ECE1: variants seen among roughly 807,000 people sequenced by gnomAD.
ECE1 encodes endothelin-converting enzyme 1.
ECE1 carries 35 observed loss-of-function variants against 98.6 expected under a neutral mutation model. That is an observed-to-expected ratio of 0.35 (90% CI 0.27 to 0.47). ECE1 has a LOEUF of 0.47. Among genes scored for constraint, ECE1 ranks in the 20% least tolerant of loss-of-function variants. ECE1 has a pLI of 1.00. For missense variants in ECE1, 814 were observed against 1,025.3 expected (o/e 0.79, Z 2.81); for synonymous variants, 394 against 407.1 (o/e 0.97, Z 0.39).
At chr1:21,246,847 C>T (rs1363601049) in intron 9 of ECE1, among the ~76,000 whole-genome samples, 1 of 152,158 alleles carries the variant, frequency 6.6e-6, no homozygotes, top group Non-Finnish European at 1.5e-5. Context: ...TTTGTAGAGA[C>T]ACCGTCTCGC....
At chr1:21,240,893 C>T (rs897227676) in intron 10 of ECE1, among the ~76,000 whole-genome samples, 2 of 152,368 alleles carry the variant, frequency 1.3e-5, no homozygotes, top group Middle Eastern at 3.4e-3. Flanking sequence ...CCCATTCCTT[C>T]ACACGAGCTT....
At chr1:21,301,584 G>A (rs1162841225) in intron 1 of ECE1, among the ~76,000 whole-genome samples, 1 of 152,114 alleles carries the variant, frequency 6.6e-6, no homozygotes, top group Non-Finnish European at 1.5e-5. Context: ...GGGAGGCTGA[G>A]GTGGGAGGAT....
chr1:21,311,553 G>A (rs1159089586), intron 1 of ECE1, among the ~76,000 whole-genome samples: 1 of 149,042 alleles, frequency 6.7e-6, no homozygotes, highest in Non-Finnish European at 1.5e-5. Flanking sequence ...AGTGCCTCAT[G>A]CCTGCAATCC....
rs553092547 is a variant in ECE1, at chr1:21,222,434, T to C, written c.2041-592A>G. 1.2e-3 allele frequency among the ~76,000 whole-genome samples: 189 copies of C among 152,216 alleles called. 1 individual carries two copies. The highest frequency in any genetic ancestry group is 4.3e-3 in the African/African-American group (178 of 41,548). On this transcript the variant is annotated intron_variant, in intron 17 of 18. Transcript: ENST00000374893. ...CTGGCAAAGCAACTTCAGTGAACCT[T>C]AGGAAGCAGGTGCTGGCAAACCTTT...
At chr1:21,226,682 C>T (rs1305388874) in intron 16 of ECE1, among the ~76,000 whole-genome samples, 4 of 152,118 alleles carry the variant, frequency 2.6e-5, no homozygotes, top group African/African-American at 2.4e-5. Flanking sequence ...AAAATTTTGC[C>T]ACCACACCTG....
intron 1 of ECE1, among the ~76,000 whole-genome samples, chr1:21,317,736 T>A (rs1053837200): frequency 2.6e-5 from 4 of 152,134 alleles, no homozygotes; most frequent in Non-Finnish European, 5.9e-5. Context: ...GCTCCCCAAC[T>A]CAAGGTGGGG....
intron 3 of ECE1, 39 bp from the exon 4 acceptor site, chr1:21,272,950 C>T (rs768370169): frequency 1.2e-6 from 2 of 1,611,056 alleles, no homozygotes; most frequent in South Asian, 2.2e-5. Flanking sequence ...GAAGGGCAGG[C>T]AGGGAAGAAG....
chr1:21,326,598 TAA>T (rs1367343644), intron 1 of ECE1, among the ~76,000 whole-genome samples: 7 of 151,494 alleles, frequency 4.6e-5, no homozygotes, highest in South Asian at 2.1e-4. Context: ...ATGAGGTTCA[TAA>T]TAGGGGGGTT....
intron 1 of ECE1, among the ~76,000 whole-genome samples, chr1:21,338,501 C>G (rs1639343730): frequency 6.6e-6 from 1 of 152,222 alleles, no homozygotes; most frequent in East Asian, 1.9e-4. Context: ...CCCCAAGTCT[C>G]ACAGTGAGGA....
intron 17 of ECE1, among the ~76,000 whole-genome samples, chr1:21,224,291 G>A (rs928446216): frequency 7.2e-5 from 11 of 151,818 alleles, no homozygotes; most frequent in African/African-American, 1.5e-4. Flanking sequence ...GTTTATATTC[G>A]TCACCTTTTC....
At chr1:21,287,595 GTAA>G (rs1335018399) in intron 2 of ECE1, among the ~76,000 whole-genome samples, 1 of 152,142 alleles carries the variant, frequency 6.6e-6, no homozygotes. Flanking sequence ...CGGCCCAAAG[GTAA>G]TAATCTGAAA....
chr1:21,218,986 CCT>C lies in ECE1; in HGVS notation c.*967_*968del, dbSNP rs935177599. 8 of 152,368 alleles carry C rather than the reference CCT, an allele frequency of 5.3e-5. No homozygotes were observed. Among genetic ancestry groups the C allele is most frequent in the African/African-American group, 7.2e-5 (3 of 41,528 alleles). 9.4% of individuals were successfully genotyped at this position (152,368 alleles called of 1,614,324 possible). A position where few individuals can be genotyped will look rare whatever the true frequency, so the allele number is the denominator to read the frequency against. On this transcript the variant is annotated 3_prime_UTR_variant, in exon 19 of 19. Coordinates refer to ENST00000374893, the MANE Select transcript of ECE1 (RefSeq NM_001397.3). This position sits in a 1 kb window ranked among gnomAD's most constrained non-coding sequence, Gnocchi z 4.0. ...GACTGCTGCAGAGAGGTAACGGGCC[CCT>C]GAGATAGACATGGGACAGCCCGAAA...
At chr1:21,247,955 T>G in intron 8 of ECE1, among the ~76,000 whole-genome samples, 1 of 152,248 alleles carries the variant, frequency 6.6e-6, no homozygotes, top group East Asian at 1.9e-4. Flanking sequence ...AACAAGCTTA[T>G]GCTGTTTGTT....
At chr1:21,267,721 CT>C (rs1321685558) in intron 4 of ECE1, among the ~76,000 whole-genome samples, 1 of 152,308 alleles carries the variant, frequency 6.6e-6, no homozygotes, top group African/African-American at 2.4e-5. Flanking sequence ...GCAGCACCCA[CT>C]CCTGTAGACA....
intron 1 of ECE1, among the ~76,000 whole-genome samples, chr1:21,305,895 C>G (rs549654244): frequency 3.9e-5 from 6 of 152,304 alleles, no homozygotes; most frequent in Admixed American, 3.9e-4. Context: ...CAGAGAGAAC[C>G]CTCTGTTCTG....
In ECE1 at chr1:21,258,815, G is replaced by T; in HGVS notation, c.640C>A (p.Pro214Thr). The change falls in exon 6 of 19, where the codon CCC becomes ACC. Residue 214 changes from proline (P) to threonine (T), a missense_variant. Around this residue, in one of 3 missense-constraint regions of ECE1, gnomAD observed 105 missense variants for 179.1 expected, o/e 0.59. Transcript: ENST00000374893. The surrounding 1 kb of genome is among the most constrained non-coding windows in gnomAD (Gnocchi z 4.2). ...ERLGGWNITG[P>T]WAKDNFQDTL... Reference sequence around the variant, plus strand: ...TCCTGGAAGTTGTCCTTGGCCCAGGGACCTGTGATGTTCCAGCCCCCGAGC... The same window carrying T: ...TCCTGGAAGTTGTCCTTGGCCCAGGTACCTGTGATGTTCCAGCCCCCGAGC... 3 of 1,614,172 alleles carry T rather than the reference G, an allele frequency of 1.9e-6. No homozygotes were observed. The highest frequency in any genetic ancestry group is 2.5e-6 in the Non-Finnish European group (3 of 1,180,032).
At position 21,319,383 on chromosome 1, in the gene ECE1, C is replaced by A. The variant is rs2745245; in HGVS notation, c.3+25993G>T. 0.13 allele frequency among the ~76,000 whole-genome samples: 19,224 copies of A among 150,972 alleles called. 1,501 individuals carry two copies. The highest frequency in any genetic ancestry group is 0.21 in the African/African-American group (8,738 of 41,178). ...TCATAATCATAATCATAATCATAAT[C>A]ATAAAGTGGACTACGCAGGGCTTTT... On this transcript the variant is annotated intron_variant, in intron 1 of 18. Transcript: ENST00000415912. The surrounding 1 kb of genome is among the most constrained non-coding windows in gnomAD (Gnocchi z 4.4).
chr1:21,295,092 CTG>C (rs1247876714), upstream of ECE1, among the ~76,000 whole-genome samples: 1 of 152,248 alleles, frequency 6.6e-6, no homozygotes, highest in Non-Finnish European at 1.5e-5. Context: ...CTTCCCAACT[CTG>C]TGACCCTGAG....
Position 21,220,212 on chromosome 1 carries a change from G to A in ECE1, c.2137-81C>T. 7 of 1,491,174 alleles carry A rather than the reference G, an allele frequency of 4.7e-6. No individual in the cohort carries two copies. The highest frequency in any genetic ancestry group is 1.4e-5 in the African/African-American group (1 of 72,092). The allele number at this position is 1,491,174 out of a possible 1,614,324, so 92.4% of individuals were successfully genotyped here. ...GACTGCCCCCATTATAACAGCAGGGGAGGCCAGGTGCGGTGGCTCACACCT... is the reference window on the plus strand; with the variant it reads ...GACTGCCCCCATTATAACAGCAGGGAAGGCCAGGTGCGGTGGCTCACACCT... On this transcript the variant is annotated intron_variant, in intron 18 of 18. Coordinates refer to ENST00000374893, the MANE Select transcript of ECE1 (RefSeq NM_001397.3). This position sits in a 1 kb window ranked among gnomAD's most constrained non-coding sequence, Gnocchi z 5.0.
Sources: gnomAD v4.1 joint callset for allele counts (sites outside exome capture counted in the v4.1 genomes callset) on GRCh38, gnomAD v4.1.1 for gene constraint, gnomAD v4.1.1 regional missense constraint, Gnocchi (gnomAD v3.1) non-coding constraint, MANE v1.5 for transcripts, NCBI Gene and HGNC (gene_info 2026-07-23, HGNC 2026-07-21) for gene names.